RMDN2: variants seen among roughly 807,000 people sequenced by gnomAD.
RMDN2 encodes regulator of microtubule dynamics 2.
Under a neutral mutation model 52.8 loss-of-function variants are expected in RMDN2, and 61 were observed. The observed-to-expected ratio is 1.16, with a 90% CI of 0.94 to 1.43. RMDN2 has a LOEUF of 1.43. Ranked by LOEUF, RMDN2 falls within the 40% of genes most tolerant of loss-of-function variation. RMDN2 has a pLI of 0.00. For missense variants in RMDN2, 592 were observed against 475.3 expected, an observed-to-expected ratio of 1.25 and a Z score of -2.28; for synonymous variants, 180 against 153.1, an observed-to-expected ratio of 1.18 and a Z score of -1.30.
chr2:37,984,272 C>T (rs1673699521), intron 5 of RMDN2, among the ~76,000 whole-genome samples: 1 of 152,126 alleles, frequency 6.6e-6, no homozygotes, highest in African/African-American at 2.4e-5. Flanking sequence ...CTCCTGGAAT[C>T]AAGAGAATGA....
At chr2:37,931,310 G>C (rs1426646191) in intron 2 of RMDN2, among the ~76,000 whole-genome samples, 2 of 152,164 alleles carry the variant, frequency 1.3e-5, no homozygotes, top group Non-Finnish European at 2.9e-5. Flanking sequence ...CAGCAGATTA[G>C]TACTCTAATA....
chr2:38,006,597 A>G (rs1053393272), intron 10 of RMDN2, among the ~76,000 whole-genome samples: 1 of 152,044 alleles, frequency 6.6e-6, no homozygotes, highest in Non-Finnish European at 1.5e-5. Context: ...GCTTAAGGAG[A>G]TTTTGGGCTG....
Position 37,935,029 on chromosome 2 carries a change from G to T in RMDN2, c.452+5300G>T, listed in dbSNP as rs139074013. Among the ~76,000 whole-genome samples the T allele has an allele frequency of 5.8e-4, 89 of 152,224 alleles. 1 individual carries two copies. The highest frequency in any genetic ancestry group is 3.4e-3 in the Middle Eastern group (1 of 294). ...GATGAGTTTCAAAATTAGACTCAGG[G>T]TTGTATAGTGACCATATGGGTCTTT... On this transcript the variant is annotated intron_variant, in intron 2 of 10. Coordinates refer to ENST00000354545, the MANE Select transcript of RMDN2 (RefSeq NM_001170791.3).
chr2:38,001,125 A>G (rs1676263198), intron 8 of RMDN2, among the ~76,000 whole-genome samples: 1 of 152,218 alleles, frequency 6.6e-6, no homozygotes, highest in Non-Finnish European at 1.5e-5. Flanking sequence ...CTGATATGGT[A>G]TAAGGCTGCT....
In RMDN2 at chr2:37,964,276, C is replaced by T. The variant is rs866291165; in HGVS notation, c.453-9764C>T. ...ACACGTGAGTTTCTTTGGTTGAGTCCGTTGTACAAAAATCTTCCTTCTTTT... is the reference window on the plus strand; with the variant it reads ...ACACGTGAGTTTCTTTGGTTGAGTCTGTTGTACAAAAATCTTCCTTCTTTT... On this transcript the variant is annotated intron_variant, in intron 2 of 10. Transcript: ENST00000354545. Among the ~76,000 whole-genome samples the T allele has an allele frequency of 9.8e-5, 15 of 152,340 alleles. No homozygotes were observed. The Middle Eastern group carries it at 0.01, about 104-fold the overall frequency.
rs114738477 is a variant in RMDN2, at chr2:38,054,458, C to T, written c.1714-12524C>T. On this transcript the variant is annotated intron_variant, in intron 10 of 10. Coordinates refer to the RMDN2 transcript ENST00000234195. ...TTAAATTTTTGCTCCACTTTAAATA[C>T]ACAGAAACTACACATCATAGGTGAT... Among the ~76,000 whole-genome samples the T allele has an allele frequency of 3.5e-3, 540 of 152,328 alleles. 2 individuals carry two copies. The highest frequency in any genetic ancestry group is 6.1e-3 in the Admixed American group (94 of 15,300).
intron 4 of RMDN2, among the ~76,000 whole-genome samples, chr2:37,976,680 AT>A (rs1455901706): frequency 6.6e-6 from 1 of 152,194 alleles, no homozygotes; most frequent in East Asian, 1.9e-4. Flanking sequence ...TGCAGACCAT[AT>A]ACAAAACAGA....
chr2:37,962,871 A>G (rs1302192326), intron 2 of RMDN2, among the ~76,000 whole-genome samples: 1 of 152,202 alleles, frequency 6.6e-6, no homozygotes, highest in Non-Finnish European at 1.5e-5. Flanking sequence ...GGTTGCAAAA[A>G]ACATAGGAAA....
At chr2:37,968,307 G>A (rs1334990943) in intron 2 of RMDN2, among the ~76,000 whole-genome samples, 3 of 141,798 alleles carry the variant, frequency 2.1e-5, no homozygotes, top group East Asian at 2.4e-4. Context: ...GCTGGGCACC[G>A]TGGCAGGCAC....
At chr2:38,013,928 C>T (rs1333772665) in intron 10 of RMDN2, among the ~76,000 whole-genome samples, 4 of 152,262 alleles carry the variant, frequency 2.6e-5, no homozygotes, top group South Asian at 2.1e-4. Context: ...ATAAGGCAGC[C>T]GGGCGTCGTG....
intron 2 of RMDN2, among the ~76,000 whole-genome samples, chr2:37,955,524 C>G (rs936505875): frequency 3.3e-5 from 5 of 152,060 alleles, no homozygotes; most frequent in Non-Finnish European, 5.9e-5. Flanking sequence ...CAAATCTCAA[C>G]TTGAATTGTA....
chr2:38,001,353 A>G (rs6544131), intron 8 of RMDN2, among the ~76,000 whole-genome samples: 83,070 of 152,000 alleles, frequency 0.55, 23,391 homozygotes, highest in East Asian at 0.87. Flanking sequence ...CCTTTCTAGA[A>G]ACTGCCTCAT....
chr2:38,008,004 A>G (rs1287630308), intron 10 of RMDN2, among the ~76,000 whole-genome samples: 1 of 152,010 alleles, frequency 6.6e-6, no homozygotes, highest in African/African-American at 2.4e-5. Flanking sequence ...GTTTCCATGT[A>G]TTTGAGGGGT....
chr2:38,022,025 G>C (rs1395225581), downstream of RMDN2, among the ~76,000 whole-genome samples: 1 of 152,202 alleles, frequency 6.6e-6, no homozygotes, highest in African/African-American at 2.4e-5. Context: ...TGACATAACT[G>C]AGGCTTGGAA....
intron 3 of RMDN2, 73 bp downstream of exon 3, chr2:37,974,287 C>G: frequency 1.0e-6 from 1 of 971,082 alleles, no homozygotes; most frequent in East Asian, 2.9e-5. Flanking sequence ...TCAGTTATAA[C>G]TATAATAATT....
At chr2:38,029,086 CT>C (rs546927349) in intron 10 of RMDN2, among the ~76,000 whole-genome samples, 56 of 152,274 alleles carry the variant, frequency 3.7e-4, no homozygotes, top group African/African-American at 1.3e-3. Flanking sequence ...TTCCCACCTT[CT>C]TTCACAAGGC....
intron 10 of RMDN2, among the ~76,000 whole-genome samples, chr2:38,057,955 A>G (rs1681906833): frequency 6.6e-6 from 1 of 152,186 alleles, no homozygotes; most frequent in Non-Finnish European, 1.5e-5. Context: ...TTGCTTTATA[A>G]ATTACCCAGT....
chr2:37,952,348 A>G, intron 2 of RMDN2: 1 of 690,624 alleles, frequency 1.4e-6, no homozygotes, highest in Non-Finnish European at 2.4e-6. Flanking sequence ...CCTACATTGC[A>G]GTGTAAATTT....
intron 10 of RMDN2, among the ~76,000 whole-genome samples, chr2:38,008,684 G>A (rs1318215596): frequency 2.6e-5 from 4 of 151,988 alleles, no homozygotes; most frequent in Non-Finnish European, 5.9e-5. Flanking sequence ...TGTCTTAGTT[G>A]GAGCATTTAG....
Sources: gnomAD v4.1 joint callset for allele counts (sites outside exome capture counted in the v4.1 genomes callset) on GRCh38, gnomAD v4.1.1 for gene constraint, MANE v1.5 for transcripts, NCBI Gene and HGNC (gene_info 2026-07-23, HGNC 2026-07-21) for gene names.